The following CAPN8 variants were observed in gnomAD, a reference collection of about 807,000 sequenced individuals.
CAPN8 encodes the protein calpain 8, also known as calpain-8.
A neutral mutation model predicts 80.9 loss-of-function variants in CAPN8; 87 were observed. The observed-to-expected ratio is 1.07, with a 90% CI of 0.90 to 1.28. The LOEUF is 1.28. Among genes scored for constraint, CAPN8 ranks in the 50% most tolerant of loss-of-function variants. The pLI is 0.00. For synonymous variants in CAPN8, 299 were observed against 273.8 expected (o/e 1.09, Z -0.91); for missense variants, 757 against 702.0 (o/e 1.08, Z -0.89).
Position 223,619,475 on chromosome 1 carries a change from G to A in CAPN8, c.975-22C>T, listed in dbSNP as rs759759114. 152 of 1,551,086 alleles carry A rather than the reference G, an allele frequency of 9.8e-5. 1 individual carries two copies. The highest frequency in any genetic ancestry group is 1.2e-4 in the Non-Finnish European group (141 of 1,146,904). ...CATCCTGGGGCAGAGGCACCAGAGG[G>A]CTCTCAGTGAAGAGGGCTGGGTTGT... On this transcript the variant is annotated intron_variant, in intron 8 of 20. Coordinates refer to ENST00000366872, the MANE Select transcript of CAPN8 (RefSeq NM_001143962.2).
chr1:223,662,776 C>A (rs539207185), intron 1 of CAPN8, among the ~76,000 whole-genome samples: 9 of 152,294 alleles, frequency 5.9e-5, no homozygotes, highest in African/African-American at 2.2e-4. Context: ...CCTTGAAAGG[C>A]CTCTTGGGAG....
At chr1:223,653,663 C>T (rs1010844253) in intron 2 of CAPN8, among the ~76,000 whole-genome samples, 7 of 152,240 alleles carry the variant, frequency 4.6e-5, no homozygotes, top group South Asian at 4.2e-4. Flanking sequence ...TCCAATTCAA[C>T]GCAGAAACTC....
At chr1:223,542,288 T>C (rs193114441) in intron 20 of CAPN8, among the ~76,000 whole-genome samples, 24 of 152,134 alleles carry the variant, frequency 1.6e-4, no homozygotes, top group Non-Finnish European at 2.5e-4. Flanking sequence ...TATATTCCTA[T>C]ATGTGCATAT....
intron 1 of CAPN8, among the ~76,000 whole-genome samples, chr1:223,658,023 C>T (rs1658545187): frequency 6.6e-6 from 1 of 152,126 alleles, no homozygotes; most frequent in Non-Finnish European, 1.5e-5. Context: ...CATTCTTCTA[C>T]TGTGCTTACC....
In CAPN8 at chr1:223,628,654, C is replaced by A. The variant is rs367626516; in HGVS notation, c.426+8G>T. 9.7e-6 allele frequency: 15 copies of A among 1,544,606 alleles called. No homozygotes were observed. The highest frequency in any genetic ancestry group is 1.3e-5 in the Non-Finnish European group (15 of 1,140,704). On this transcript the variant is annotated splice_region_variant and intron_variant, in intron 3 of 20. Coordinates refer to ENST00000366872, the MANE Select transcript of CAPN8 (RefSeq NM_001143962.2). ...ACAGCAACAAAGGGCCAGAGCAGAG[C>A]ACAGTACCTGAAAGTGAAAGATTCC...
intron 7 of CAPN8, among the ~76,000 whole-genome samples, chr1:223,621,806 G>A (rs781101757): frequency 1.3e-5 from 2 of 152,018 alleles, no homozygotes; most frequent in Admixed American, 1.3e-4. Flanking sequence ...TTGGGAGGGG[G>A]CATTATTGTG....
At chr1:223,549,283 A>C in intron 16 of CAPN8, 35 bp downstream of exon 16, 1 of 111,440 alleles carries the variant, frequency 9.0e-6, no homozygotes, top group Non-Finnish European at 1.4e-5. Context: ...GGACGAAAGT[A>C]AAAAAAAAAA....
chr1:223,665,454 G>T lies in CAPN8; in HGVS notation c.193C>A (p.Pro65Thr), dbSNP rs1468577931. 1 of 1,551,988 alleles carries T rather than the reference G, an allele frequency of 6.4e-7. No individual in the cohort carries two copies. The highest frequency in any genetic ancestry group is 8.7e-7 in the Non-Finnish European group (1 of 1,147,100). ...PSALGYKDLGPGSPQTQGIIW... is the reference protein window; with the variant it reads ...PSALGYKDLGTGSPQTQGIIW... ...ATGCCTTGAGTTTGCGGAGAGCCTG[G>T]TCCAAGATCCTTGTAGCCCAAAGCT... Residue 65 changes from proline (P) to threonine (T), a missense_variant, in exon 1 of 21, where the codon CCA becomes ACA. Transcript: ENST00000366872.
chr1:223,609,020 CCTTGTAGT>C (rs1656967680), intron 12 of CAPN8, 125 bp downstream of exon 12: 1 of 373,104 alleles, frequency 2.7e-6, no homozygotes. Flanking sequence ...GGTCCTTTGG[CCTTGTAGT>C]TTCTTAGAGG....
intron 5 of CAPN8, among the ~76,000 whole-genome samples, chr1:223,626,465 G>T (rs61825187): frequency 6.6e-6 from 1 of 151,950 alleles, no homozygotes; most frequent in Non-Finnish European, 1.5e-5. Context: ...ACAGGAGCCC[G>T]AGGTGGTGAC....
chr1:223,621,445 A>G (rs1657390256), intron 7 of CAPN8, among the ~76,000 whole-genome samples: 1 of 152,068 alleles, frequency 6.6e-6, no homozygotes, highest in African/African-American at 2.4e-5. Flanking sequence ...GAAAGGAGAG[A>G]AAGTCAAACA....
At chr1:223,555,986 AT>A (rs1306204485) in intron 13 of CAPN8, among the ~76,000 whole-genome samples, 3 of 152,236 alleles carry the variant, frequency 2.0e-5, no homozygotes, top group Non-Finnish European at 4.4e-5. Context: ...TACAATCTAT[AT>A]GAAAATGCTT....
intron 1 of CAPN8, among the ~76,000 whole-genome samples, chr1:223,655,185 T>C (rs940106068): frequency 6.6e-6 from 1 of 152,236 alleles, no homozygotes; most frequent in African/African-American, 2.4e-5. Context: ...CTGTGCACCC[T>C]GTGGGCACTC....
intron 7 of CAPN8, among the ~76,000 whole-genome samples, chr1:223,622,066 A>G (rs1243272893): frequency 6.6e-6 from 1 of 152,136 alleles, no homozygotes; most frequent in African/African-American, 2.4e-5. Flanking sequence ...TAGGCCTCCC[A>G]AAGTGTTAGG....
At chr1:223,654,728 T>C (rs1658432783) in intron 1 of CAPN8, among the ~76,000 whole-genome samples, 1 of 152,124 alleles carries the variant, frequency 6.6e-6, no homozygotes, top group African/African-American at 2.4e-5. Flanking sequence ...CAGCCTGGAG[T>C]GCAGTGGCAT....
chr1:223,545,248 T>C lies in CAPN8; in HGVS notation c.1816A>G (p.Lys606Glu). 1.9e-6 allele frequency: 3 copies of C among 1,551,708 alleles called. No homozygotes were observed. The highest frequency in any genetic ancestry group is 1.7e-6 in the Non-Finnish European group (2 of 1,146,984). ...GAVEFKTLWL[K>E]IQKYLEIYWE... ...AGAGTTACCAGATACTTCTGAATCT[T>C]CAGCCAGAGCGTCTTGAATTCCACC... The change falls in exon 17 of 21, where the codon AAG becomes GAG. Residue 606 changes from lysine (K) to glutamate (E), a missense_variant. Physicochemically the swap from Lys to Glu is moderately conservative, Grantham distance 56. Transcript: ENST00000366872.
rs1657126741 is a variant in CAPN8 at position 223,614,868 on chromosome 1, T to C, written c.1311+1102A>G. On this transcript the variant is annotated intron_variant, in intron 10 of 20. Transcript: ENST00000366872. ...GAGTCTGGCTTTGTGCTACTTACAT[T>C]CTAGGTGGAGATGAAAGAGCCACAC... Among the ~76,000 whole-genome samples the C allele has an allele frequency of 5.9e-5, 9 of 152,234 alleles. No individual in the cohort carries two copies. In the South Asian group the frequency reaches 1.9e-3, roughly 32 times the overall value.
At chr1:223,628,597 T>A in intron 3 of CAPN8, 65 bp downstream of exon 3, 1 of 1,270,744 alleles carries the variant, frequency 7.9e-7, no homozygotes, top group Non-Finnish European at 1.1e-6. Flanking sequence ...TCTGACGCAG[T>A]GGACCTGCAG....
intron 2 of CAPN8, among the ~76,000 whole-genome samples, chr1:223,646,688 C>A (rs1418592034): frequency 2.0e-5 from 3 of 152,172 alleles, no homozygotes; most frequent in East Asian, 1.9e-4. Context: ...CAGCAGGGTA[C>A]CCCTCGTAAG....
Sources: gnomAD v4.1 joint callset for allele counts (sites outside exome capture counted in the v4.1 genomes callset) on GRCh38, gnomAD v4.1.1 for gene constraint, MANE v1.5 for transcripts, NCBI Gene and HGNC (gene_info 2026-07-23, HGNC 2026-07-21) for gene names.